Variants in KCTD16 observed in about 807,000 individuals in gnomAD.
KCTD16 encodes the protein BTB/POZ domain-containing protein KCTD16.
KCTD16 carries 13 observed loss-of-function variants against 33.2 expected under a neutral mutation model. The observed-to-expected ratio is 0.39, with a 90% confidence interval of 0.25 to 0.62. The LOEUF (loss-of-function observed/expected upper bound fraction) is 0.62, where lower values mean the gene tolerates loss of function less well. KCTD16 is among the 20% of genes least tolerant of loss of function. KCTD16 has a pLI of 0.50. For synonymous variants in KCTD16, 197 were observed against 195.3 expected, an observed-to-expected ratio of 1.01 and a Z score of -0.07; for missense variants, 441 against 525.1, an observed-to-expected ratio of 0.84 and a Z score of 1.57.
At chr5:144,221,074 C>T (rs894121607) in intron 3 of KCTD16, among the ~76,000 whole-genome samples, 2 of 152,124 alleles carry the variant, frequency 1.3e-5, no homozygotes, top group African/African-American at 2.4e-5. Flanking sequence ...TAGGTACCTC[C>T]GTTGTATGAC....
rs1334523333 is a variant in KCTD16, at chr5:144,206,721, C to A, written c.7C>A (p.Leu3Met). The A allele has an allele frequency of 6.2e-7, 1 of 1,611,388 alleles. No individual in the cohort carries two copies. The highest frequency in any genetic ancestry group is 8.5e-7 in the Non-Finnish European group (1 of 1,178,266). ...GCAGCAGAAGAAAGGGACAATGGCT[C>A]TGAGTGGAAACTGTAGTCGTTATTA... MA[L>M]SGNCSRYYPR... Residue 3 changes from leucine (L) to methionine (M), a missense_variant, in exon 3 of 4, where the codon CTG (leucine) becomes ATG (methionine). Physicochemically the swap from Leu to Met is conservative, Grantham distance 15. Transcript: ENST00000512467.
At chr5:144,247,081 G>A (rs1415005170) in intron 3 of KCTD16, among the ~76,000 whole-genome samples, 1 of 152,096 alleles carries the variant, frequency 6.6e-6, no homozygotes, top group Non-Finnish European at 1.5e-5. Flanking sequence ...TAGTTTCTGT[G>A]GGATTATGTT....
intron 3 of KCTD16, among the ~76,000 whole-genome samples, chr5:144,236,144 T>C (rs1408829236): frequency 6.6e-6 from 1 of 152,140 alleles, no homozygotes; most frequent in Non-Finnish European, 1.5e-5. Context: ...TCTCTGTTCA[T>C]GAGGTGGTGA....
intron 3 of KCTD16, among the ~76,000 whole-genome samples, chr5:144,401,691 T>A (rs146255939): frequency 3.3e-5 from 5 of 152,354 alleles, no homozygotes; most frequent in African/African-American, 1.2e-4. Flanking sequence ...ATCCCATCTA[T>A]TCATCCAATT....
intron 3 of KCTD16, among the ~76,000 whole-genome samples, chr5:144,285,537 T>C (rs1404669743): frequency 6.6e-6 from 1 of 152,208 alleles, no homozygotes; most frequent in Non-Finnish European, 1.5e-5. Context: ...GCTCCAGATA[T>C]CAATATGGGA....
At chr5:144,280,515 T>A (rs1755568021) in intron 3 of KCTD16, among the ~76,000 whole-genome samples, 1 of 152,240 alleles carries the variant, frequency 6.6e-6, no homozygotes, top group Non-Finnish European at 1.5e-5. Context: ...TCTGTAGTGA[T>A]AAATTCTGAT....
chr5:144,229,709 A>G (rs1754041310), intron 3 of KCTD16, among the ~76,000 whole-genome samples: 1 of 152,222 alleles, frequency 6.6e-6, no homozygotes, highest in South Asian at 2.1e-4. Flanking sequence ...CCCACTGTGC[A>G]TAATGGCTCA....
intron 3 of KCTD16, among the ~76,000 whole-genome samples, chr5:144,373,769 C>T (rs1279544046): frequency 6.6e-6 from 1 of 152,212 alleles, no homozygotes; most frequent in Non-Finnish European, 1.5e-5. Context: ...TGGCAAATCA[C>T]ATCTTCCTGT....
At chr5:144,252,306 AG>A (rs1211470065) in intron 3 of KCTD16, among the ~76,000 whole-genome samples, 3 of 152,202 alleles carry the variant, frequency 2.0e-5, no homozygotes, top group African/African-American at 7.2e-5. Context: ...CTGAGTAAAT[AG>A]TACTTACTAA....
intron 3 of KCTD16, among the ~76,000 whole-genome samples, chr5:144,448,333 C>G (rs977552697): frequency 6.6e-6 from 1 of 152,092 alleles, no homozygotes; most frequent in East Asian, 1.9e-4. Flanking sequence ...TTTCTCTCTA[C>G]TAGGCCCAGT....
chr5:144,300,684 A>C (rs559124393), intron 3 of KCTD16, among the ~76,000 whole-genome samples: 2 of 152,322 alleles, frequency 1.3e-5, no homozygotes, highest in African/African-American at 2.4e-5. Flanking sequence ...ACTCTATTGA[A>C]GAGTACGGCC....
At chr5:144,172,637 T>TCA (rs1421429932) in intron 1 of KCTD16, among the ~76,000 whole-genome samples, 2 of 152,188 alleles carry the variant, frequency 1.3e-5, no homozygotes, top group Non-Finnish European at 1.5e-5. Flanking sequence ...TGACCACATA[T>TCA]TATGATTTGC....
At chr5:144,176,559 C>A (rs1022733681) in intron 2 of KCTD16, among the ~76,000 whole-genome samples, 1 of 150,884 alleles carries the variant, frequency 6.6e-6, no homozygotes, top group Admixed American at 6.6e-5. Flanking sequence ...CCCGCCACCG[C>A]GCCCGGCTAA....
intron 3 of KCTD16, among the ~76,000 whole-genome samples, chr5:144,284,599 A>G (rs762704403): frequency 3.3e-5 from 5 of 152,234 alleles, no homozygotes; most frequent in African/African-American, 4.8e-5. Flanking sequence ...AATGGCATAT[A>G]CAAAAGACAG....
intron 3 of KCTD16, among the ~76,000 whole-genome samples, chr5:144,229,783 T>C (rs1266548669): frequency 2.0e-5 from 3 of 152,190 alleles, no homozygotes; most frequent in African/African-American, 4.8e-5. Flanking sequence ...GATTTTCAAA[T>C]GTTTTGTGTC....
At chr5:144,274,045 A>G (rs1309900525) in intron 3 of KCTD16, among the ~76,000 whole-genome samples, 1 of 150,822 alleles carries the variant, frequency 6.6e-6, no homozygotes, top group African/African-American at 2.4e-5. Flanking sequence ...AATATAATAA[A>G]AAATAGAAAA....
intron 3 of KCTD16, among the ~76,000 whole-genome samples, chr5:144,220,954 AAG>A: frequency 6.7e-6 from 1 of 148,938 alleles, no homozygotes; most frequent in Middle Eastern, 3.5e-3. Flanking sequence ...AAAAAAAAAG[AAG>A]AAGAAATGAG....
chr5:144,365,912 G>A (rs1234543458), intron 3 of KCTD16, among the ~76,000 whole-genome samples: 1 of 152,196 alleles, frequency 6.6e-6, no homozygotes, highest in Non-Finnish European at 1.5e-5. Context: ...TGCCATTGGT[G>A]TAAAAATTGT....
intron 3 of KCTD16, among the ~76,000 whole-genome samples, chr5:144,402,196 C>A (rs918178053): frequency 6.6e-6 from 1 of 152,194 alleles, no homozygotes; most frequent in Admixed American, 6.5e-5. Flanking sequence ...CTTCTGCCAA[C>A]TGGATACTGG....
Sources: gnomAD v4.1 joint callset for allele counts (sites outside exome capture counted in the v4.1 genomes callset) on GRCh38, gnomAD v4.1.1 for gene constraint, MANE v1.5 for transcripts, NCBI Gene and HGNC (gene_info 2026-07-23, HGNC 2026-07-21) for gene names.